Variants in SLCO2A1 observed in about 807,000 individuals in gnomAD.
The protein encoded by SLCO2A1 is matrin F/G 1.
SLCO2A1 carries 60 observed loss-of-function variants against 71.7 expected under a neutral mutation model. That is an observed-to-expected ratio of 0.84 (90% confidence interval 0.68 to 1.04). The LOEUF (loss-of-function observed/expected upper bound fraction) is 1.04. SLCO2A1 is among the 50% of genes least tolerant of loss of function. SLCO2A1 has a pLI of 0.00. For synonymous variants in SLCO2A1, 308 were observed against 326.7 expected, an observed-to-expected ratio of 0.94 and a Z score of 0.62; for missense variants, 745 against 813.4, an observed-to-expected ratio of 0.92 and a Z score of 1.02.
chr3:133,962,206 A>G (rs1031531064), intron 3 of SLCO2A1, among the ~76,000 whole-genome samples: 4 of 152,142 alleles, frequency 2.6e-5, no homozygotes, highest in African/African-American at 9.7e-5. Flanking sequence ...CAGCCTCCCA[A>G]GTAGCTGAGA....
Position 133,948,935 on chromosome 3 carries a change from C to T in SLCO2A1, c.898G>A (p.Glu300Lys), listed in dbSNP as rs755253415. 2 of 1,614,052 alleles carry T rather than the reference C, an allele frequency of 1.2e-6. No individual in the cohort carries two copies. The highest frequency in any genetic ancestry group is 1.7e-6 in the Non-Finnish European group (2 of 1,180,026). ...PATADEARKLEEAKSRGSLVD... is the reference protein window; with the variant it reads ...PATADEARKLKEAKSRGSLVD... ...AGGGAGCCTCTTGACTTGGCCTCCTCCAACTTCCTTGCTTCATCTGCTGTG... is the reference window on the plus strand; with the variant it reads ...AGGGAGCCTCTTGACTTGGCCTCCTTCAACTTCCTTGCTTCATCTGCTGTG... The change falls in exon 7 of 14, where the codon GAG becomes AAG. Residue 300 changes from glutamate to lysine, a missense_variant. Coordinates refer to ENST00000310926, the MANE Select transcript of SLCO2A1 (RefSeq NM_005630.3).
At chr3:133,952,378 T>C (rs940281766) in intron 5 of SLCO2A1, among the ~76,000 whole-genome samples, 1 of 152,198 alleles carries the variant, frequency 6.6e-6, no homozygotes, top group African/African-American at 2.4e-5. Context: ...TGACGTGACT[T>C]GTTTGCAGGG....
intron 2 of SLCO2A1, among the ~76,000 whole-genome samples, chr3:133,977,033 A>G (rs961986024): frequency 6.6e-6 from 1 of 152,188 alleles, no homozygotes; most frequent in Admixed American, 6.5e-5. Flanking sequence ...CGCACACTCC[A>G]CCACCCGGGC....
rs138919761 is a variant in SLCO2A1 at position 133,986,636 on chromosome 3, G to T, written c.97-7018C>A. ...GCGGGGAAACTGGAGTGGCCACGAAGTTCTTTAATAAAGAGAGAACTTTTT... is the reference window on the plus strand; with the variant it reads ...GCGGGGAAACTGGAGTGGCCACGAATTTCTTTAATAAAGAGAGAACTTTTT... On this transcript the variant is annotated intron_variant, in intron 1 of 13. Coordinates refer to ENST00000310926, the MANE Select transcript of SLCO2A1 (RefSeq NM_005630.3). 3.1e-3 allele frequency among the ~76,000 whole-genome samples: 472 copies of T among 152,320 alleles called. 10 individuals are homozygous for T. The highest frequency in any genetic ancestry group is 0.011 in the African/African-American group (454 of 41,570).
At chr3:133,959,846 T>G (rs985110508) in intron 3 of SLCO2A1, among the ~76,000 whole-genome samples, 3 of 150,964 alleles carry the variant, frequency 2.0e-5, no homozygotes, top group African/African-American at 7.3e-5. Context: ...ATGGGCCGGG[T>G]GCGGTGGCTC....
At chr3:134,012,992 C>T (rs1175402776) in intron 1 of SLCO2A1, among the ~76,000 whole-genome samples, 1 of 152,202 alleles carries the variant, frequency 6.6e-6, no homozygotes, top group Non-Finnish European at 1.5e-5. Flanking sequence ...CCCCCTCAGT[C>T]CTGGGCAAAT....
intron 3 of SLCO2A1, among the ~76,000 whole-genome samples, chr3:133,959,936 C>T (rs1029510851): frequency 1.9e-4 from 28 of 150,958 alleles, no homozygotes; most frequent in South Asian, 1.5e-3. Context: ...CTGGCTAACA[C>T]GGTGAAACCC....
intron 1 of SLCO2A1, among the ~76,000 whole-genome samples, chr3:133,983,512 T>C (rs915373778): frequency 1.6e-4 from 24 of 152,376 alleles, no homozygotes; most frequent in African/African-American, 4.8e-4. Context: ...GTATGCAGCA[T>C]TAGACAGCTG....
rs753146862 is a variant in SLCO2A1 at position 133,948,962 on chromosome 3, C to G, written c.871G>C (p.Ala291Pro). ...AACTTCCTTGCTTCATCTGCTGTGG[C>G]AGGAGCCCTCTGAAGGCAATAAAAG... Reference protein sequence around the residue: ...AMPIGAKRAPATADEARKLEE... With the variant: ...AMPIGAKRAPPTADEARKLEE... The change falls in exon 7 of 14, where the codon GCC becomes CCC. Residue 291 changes from alanine to proline, a missense_variant. By Grantham distance (27) the Ala-to-Pro change is conservative. Transcript: ENST00000310926. 6.2e-7 allele frequency: 1 copy of G among 1,614,108 alleles called. No individual in the cohort carries two copies. Among genetic ancestry groups the G allele is most frequent in the South Asian group, 1.1e-5 (1 of 91,074 alleles).
At chr3:133,966,402 A>G (rs1005177828) in intron 3 of SLCO2A1, among the ~76,000 whole-genome samples, 3 of 152,150 alleles carry the variant, frequency 2.0e-5, no homozygotes, top group Non-Finnish European at 4.4e-5. Flanking sequence ...AATGTATGAG[A>G]CAGACAAGAG....
At chr3:133,967,149 C>G (rs750783187) in intron 3 of SLCO2A1, among the ~76,000 whole-genome samples, 8 of 152,218 alleles carry the variant, frequency 5.3e-5, no homozygotes, top group Non-Finnish European at 1.2e-4. Context: ...GGACCCTCCC[C>G]CCAAGCAGAC....
At chr3:133,978,358 G>C (rs1001354813) in intron 2 of SLCO2A1, among the ~76,000 whole-genome samples, 1 of 152,144 alleles carries the variant, frequency 6.6e-6, no homozygotes, top group Admixed American at 6.5e-5. Flanking sequence ...TTCTGATGCC[G>C]GGTTCCTTGT....
At chr3:133,980,078 G>A (rs1934554042) in intron 1 of SLCO2A1, among the ~76,000 whole-genome samples, 1 of 152,162 alleles carries the variant, frequency 6.6e-6, no homozygotes, top group Admixed American at 6.5e-5. Context: ...AACAAGCCCG[G>A]GTCACATGGA....
At chr3:134,019,864 C>T (rs1171118197) in intron 1 of SLCO2A1, among the ~76,000 whole-genome samples, 4 of 152,136 alleles carry the variant, frequency 2.6e-5, no homozygotes, top group African/African-American at 9.7e-5. Context: ...TGAGTTTCCG[C>T]TGTTCCCACT....
At position 133,948,524 on chromosome 3, in the gene SLCO2A1, C is replaced by G; in HGVS notation, c.1105+12G>C. 1 of 1,611,216 alleles carries G rather than the reference C, an allele frequency of 6.2e-7. No individual in the cohort carries two copies. The stretch of plus-strand genomic sequence containing the variant: ...CAAGCCCTGCGGATCCTGCAGCACC[C>G]TCTGGGCTCACCAATGAGGAAGTTG... On this transcript the variant is annotated intron_variant, in intron 8 of 13. Transcript: ENST00000310926.
chr3:133,989,853 C>G (rs543249663), intron 1 of SLCO2A1, among the ~76,000 whole-genome samples: 43 of 152,350 alleles, frequency 2.8e-4, no homozygotes, highest in Admixed American at 3.9e-4. Context: ...AATTGCAAAG[C>G]CCCCTTCTCC....
chr3:133,949,021 C>T (rs1933663929), intron 6 of SLCO2A1, 50 bp from the exon 7 acceptor site: 2 of 1,503,496 alleles, frequency 1.3e-6, no homozygotes. Flanking sequence ...TCACTGTAGC[C>T]ACCCTTCCCT....
In SLCO2A1 at chr3:133,948,883, G is replaced by C; in HGVS notation, c.940+10C>G. ...TGTGCCAGCCCACCCAGGGCTGTAG[G>C]GTCAGTTACGTTTAATGAAATCCAC... On this transcript the variant is annotated intron_variant, in intron 7 of 13. Transcript: ENST00000310926. The C allele has an allele frequency of 6.2e-7, 1 of 1,613,518 alleles. No individual in the cohort carries two copies. The highest frequency in any genetic ancestry group is 8.5e-7 in the Non-Finnish European group (1 of 1,179,448).
chr3:133,990,135 G>A (rs999686692), intron 1 of SLCO2A1, among the ~76,000 whole-genome samples: 1 of 152,206 alleles, frequency 6.6e-6, no homozygotes, highest in African/African-American at 2.4e-5. Flanking sequence ...CAAGCCCGCG[G>A]GCTCCCCGCT....
Sources: allele counts gnomAD v4.1 joint callset (sites outside exome capture counted in the v4.1 genomes callset), GRCh38; gene constraint gnomAD v4.1.1; transcripts MANE v1.5; gene names NCBI Gene and HGNC (gene_info 2026-07-23, HGNC 2026-07-21).